Variants in KCTD16 observed in about 807,000 individuals in gnomAD.
The protein encoded by KCTD16 is potassium channel tetramerization domain containing 16, also known as BTB/POZ domain-containing protein KCTD16.
Under a neutral mutation model 33.2 loss-of-function variants are expected in KCTD16, and 13 were observed. That is an observed-to-expected ratio of 0.39 (90% CI 0.25 to 0.62). The LOEUF (loss-of-function observed/expected upper bound fraction) is 0.62, where lower values mean the gene tolerates loss of function less well. KCTD16 is among the 20% of genes least tolerant of loss of function. The probability of loss-of-function intolerance (pLI) is 0.50; values close to 1 mark genes in which losing one functional copy is unlikely to be tolerated. For missense variants in KCTD16, 441 were observed against 525.1 expected, an observed-to-expected ratio of 0.84 and a Z score of 1.57; for synonymous variants, 197 against 195.3, an observed-to-expected ratio of 1.01 and a Z score of -0.07.
chr5:144,207,034 A>G lies in KCTD16; in HGVS notation c.320A>G (p.Lys107Arg), dbSNP rs1359444582. The change falls in exon 3 of 4, where the codon AAA becomes AGA. Residue 107 changes from lysine to arginine, a missense_variant. Lys to Arg is a conservative substitution (Grantham distance 26). This residue lies in a region of KCTD16 where 355 missense variants were observed against 413.0 expected (regional missense o/e 0.86). Transcript: ENST00000512467. ...CACTTTCCAGAAAAAGGAAGACTGA[A>G]AAGGGAAGCTGAATACTTCCAGCTC... ...PDHFPEKGRLKREAEYFQLPD... is the reference protein window; with the variant it reads ...PDHFPEKGRLRREAEYFQLPD... The G allele has an allele frequency of 6.2e-7, 1 of 1,614,198 alleles. No individual in the cohort carries two copies.
intron 3 of KCTD16, among the ~76,000 whole-genome samples, chr5:144,456,364 G>A (rs181972955): frequency 6.6e-5 from 10 of 152,126 alleles, no homozygotes; most frequent in African/African-American, 2.2e-4. Flanking sequence ...TAAATCAACT[G>A]AATGAAAACA....
intron 3 of KCTD16, among the ~76,000 whole-genome samples, chr5:144,219,513 CTTTTTTTTTT>C (rs59442398): frequency 5.2e-5 from 4 of 77,130 alleles, no homozygotes; most frequent in South Asian, 4.6e-4. Context: ...TGTGCTGGGC[CTTTTTTTTTT>C]TTTTTTTTTT....
intron 3 of KCTD16, among the ~76,000 whole-genome samples, chr5:144,340,635 C>A (rs1464456434): frequency 6.6e-6 from 1 of 151,998 alleles, no homozygotes; most frequent in African/African-American, 2.4e-5. Context: ...TAGGTTTAGA[C>A]AATGTTATAA....
intron 3 of KCTD16, among the ~76,000 whole-genome samples, chr5:144,468,954 C>T (rs1349473862): frequency 1.3e-5 from 2 of 152,154 alleles, no homozygotes; most frequent in Non-Finnish European, 2.9e-5. Context: ...TGTTTAAGTT[C>T]TTCTTTATCA....
chr5:144,225,402 A>G (rs562522590), intron 3 of KCTD16, among the ~76,000 whole-genome samples: 1 of 152,156 alleles, frequency 6.6e-6, no homozygotes, highest in African/African-American at 2.4e-5. Flanking sequence ...ACACAGCATT[A>G]TTTTTAAGAA....
At chr5:144,403,331 G>A (rs1752744345) in intron 3 of KCTD16, among the ~76,000 whole-genome samples, 1 of 152,138 alleles carries the variant, frequency 6.6e-6, no homozygotes, top group South Asian at 2.1e-4. Flanking sequence ...TATACTGAAT[G>A]GGCCTAATCC....
At chr5:144,291,931 A>G (rs576134764) in intron 3 of KCTD16, among the ~76,000 whole-genome samples, 23 of 152,370 alleles carry the variant, frequency 1.5e-4, no homozygotes, top group African/African-American at 5.5e-4. Context: ...GTTTAAAATT[A>G]CCTTTTCAAA....
intron 3 of KCTD16, among the ~76,000 whole-genome samples, chr5:144,458,313 C>A (rs897778190): frequency 6.6e-6 from 1 of 152,092 alleles, no homozygotes; most frequent in Non-Finnish European, 1.5e-5. Flanking sequence ...ATAGTGAGAT[C>A]CATCTGACCT....
At chr5:144,407,380 T>C (rs1389017222) in intron 3 of KCTD16, among the ~76,000 whole-genome samples, 1 of 151,844 alleles carries the variant, frequency 6.6e-6, no homozygotes, top group African/African-American at 2.4e-5. Context: ...ATTTTTTTTT[T>C]TGATTTGAAA....
intron 3 of KCTD16, among the ~76,000 whole-genome samples, chr5:144,350,384 G>A (rs918374269): frequency 1.3e-5 from 2 of 152,120 alleles, no homozygotes; most frequent in Non-Finnish European, 2.9e-5. Flanking sequence ...CACAGTGAAG[G>A]CATAGGACAG....
chr5:144,441,605 T>C (rs1266331018), intron 3 of KCTD16, among the ~76,000 whole-genome samples: 1 of 152,134 alleles, frequency 6.6e-6, no homozygotes, highest in African/African-American at 2.4e-5. Context: ...GTTATCTTAG[T>C]AATCGTACTG....
At chr5:144,312,544 G>T (rs1751794139) in intron 3 of KCTD16, among the ~76,000 whole-genome samples, 1 of 152,118 alleles carries the variant, frequency 6.6e-6, no homozygotes, top group Non-Finnish European at 1.5e-5. Context: ...AAGTAGTTAA[G>T]TATATAAATT....
intron 3 of KCTD16, among the ~76,000 whole-genome samples, chr5:144,467,807 GTGT>G (rs1754380671): frequency 6.6e-6 from 1 of 152,154 alleles, no homozygotes; most frequent in Non-Finnish European, 1.5e-5. Context: ...CTCGCAGGGA[GTGT>G]CCTGGTTATT....
intron 2 of KCTD16, among the ~76,000 whole-genome samples, chr5:144,189,291 G>A (rs545290114): frequency 6.6e-6 from 1 of 152,192 alleles, no homozygotes; most frequent in African/African-American, 2.4e-5. Context: ...AGGAGATTGA[G>A]ACCATCCTGG....
At chr5:144,369,639 G>T (rs896146646) in intron 3 of KCTD16, among the ~76,000 whole-genome samples, 5 of 152,090 alleles carry the variant, frequency 3.3e-5, no homozygotes, top group African/African-American at 1.2e-4. Context: ...TTGATCTCTT[G>T]ACACCTCTGA....
intron 2 of KCTD16, among the ~76,000 whole-genome samples, chr5:144,179,485 G>A (rs1176879167): frequency 6.6e-6 from 1 of 152,186 alleles, no homozygotes; most frequent in East Asian, 1.9e-4. Flanking sequence ...CTCCCAGGCT[G>A]TGAGTGTATG....
At chr5:144,319,385 A>G (rs1752015315) in intron 3 of KCTD16, among the ~76,000 whole-genome samples, 1 of 152,144 alleles carries the variant, frequency 6.6e-6, no homozygotes, top group Admixed American at 6.5e-5. Context: ...ATGCATCTCA[A>G]ATATTATAAG....
At chr5:144,375,808 CCCTT>C (rs1007275876) in intron 3 of KCTD16, among the ~76,000 whole-genome samples, 2 of 151,820 alleles carry the variant, frequency 1.3e-5, no homozygotes, top group Admixed American at 6.6e-5. Flanking sequence ...TTCCCTGCCT[CCCTT>C]CCTTCCTTCC....
intron 3 of KCTD16, among the ~76,000 whole-genome samples, chr5:144,269,126 A>G (rs1755226624): frequency 6.6e-6 from 1 of 152,112 alleles, no homozygotes; most frequent in Non-Finnish European, 1.5e-5. Context: ...TGGTTTACAC[A>G]TTGTGGGGCT....
Sources: allele counts gnomAD v4.1 joint callset (sites outside exome capture counted in the v4.1 genomes callset), GRCh38; gene constraint gnomAD v4.1.1; regional missense constraint gnomAD v4.1.1; transcripts MANE v1.5; gene names NCBI Gene and HGNC (gene_info 2026-07-23, HGNC 2026-07-21).